PPP2R1B: variants seen among roughly 807,000 people sequenced by gnomAD.
PPP2R1B encodes protein phosphatase 2 scaffold subunit Abeta, also known as serine/threonine-protein phosphatase 2A 65 kDa regulatory subunit A beta isoform.
A neutral mutation model predicts 72.7 loss-of-function variants in PPP2R1B; 58 were observed. The ratio of observed to expected loss-of-function variants is 0.80; its 90% confidence interval spans 0.65 to 0.99. The LOEUF is 0.99. Ranked by LOEUF, PPP2R1B falls within the 50% of genes least tolerant of loss-of-function variation. The probability of loss-of-function intolerance (pLI) is 0.00; values close to 1 mark genes in which losing one functional copy is unlikely to be tolerated. For synonymous variants in PPP2R1B, 256 were observed against 264.6 expected (o/e 0.97, Z 0.32); for missense variants, 695 against 733.6 (o/e 0.95, Z 0.61).
At chr11:111,709,701 A>C in the PPP2R1B span, among the ~76,000 whole-genome samples, 2 of 152,224 alleles carry the variant, frequency 1.3e-5, no homozygotes, top group Admixed American at 6.5e-5. Context: ...CTCTTGTTCC[A>C]AAAAGACTCC....
In PPP2R1B at chr11:111,765,323, G is replaced by A. The variant is rs782573791; in HGVS notation, c.176C>T (p.Thr59Ile). ...TIALALGVERTRSELLPFLTD... is the reference protein window; with the variant it reads ...TIALALGVERIRSELLPFLTD... ...AAGAAATGGCAACAATTCACTTCGG[G>A]TCCTTTCTACTCCAAGTGCTAGGGC... The change falls in exon 2 of 15, where the codon ACC (threonine) becomes ATC (isoleucine). Residue 59 changes from threonine (T) to isoleucine (I), a missense_variant. Physicochemically the swap from Thr to Ile is moderately conservative, Grantham distance 89 (BLOSUM62 -1). Coordinates refer to ENST00000527614, the MANE Select transcript of PPP2R1B (RefSeq NM_002716.5). The A allele has an allele frequency of 5.6e-6, 9 of 1,613,296 alleles. 2 individuals carry two copies. In the South Asian group the frequency reaches 9.9e-5, roughly 18 times the overall value.
Position 111,749,293 on chromosome 11 carries a change from G to C in PPP2R1B, c.1339-1279C>G, listed in dbSNP as rs118093482. Among the ~76,000 whole-genome samples the C allele has an allele frequency of 6.6e-3, 992 of 151,044 alleles. 8 individuals are homozygous for C. The highest frequency in any genetic ancestry group is 0.055 in the Middle Eastern group (16 of 292). On this transcript the variant is annotated intron_variant, in intron 10 of 14. Transcript: ENST00000527614. ...TTTCCAGTTTGTTGTTGTTGTTGTT[G>C]TTGTTGTCGAGACGGAATCTCTCTC...
the PPP2R1B span, among the ~76,000 whole-genome samples, chr11:111,719,499 C>A: frequency 3.2e-4 from 48 of 151,448 alleles, no homozygotes; most frequent in African/African-American, 9.4e-4. Context: ...TTCTGGAAAC[C>A]ACTAAAAAAG....
chr11:111,691,899 C>A, the PPP2R1B span, among the ~76,000 whole-genome samples: 10 of 152,138 alleles, frequency 6.6e-5, no homozygotes, highest in Admixed American at 4.6e-4. Flanking sequence ...AAGAACCAGA[C>A]CTTTAAGTTA....
At chr11:111,689,947 GTTAAT>G in the PPP2R1B span, among the ~76,000 whole-genome samples, 1 of 150,602 alleles carries the variant, frequency 6.6e-6, no homozygotes, top group Non-Finnish European at 1.5e-5. Flanking sequence ...ATGTTTTTAA[GTTAAT>G]TTGTTATATT....
chr11:111,699,758 G>A, the PPP2R1B span, among the ~76,000 whole-genome samples: 13 of 152,126 alleles, frequency 8.5e-5, no homozygotes, highest in Non-Finnish European at 1.8e-4. Flanking sequence ...TAACACATTG[G>A]GCCTTTACAG....
the PPP2R1B span, among the ~76,000 whole-genome samples, chr11:111,719,012 C>T: frequency 6.6e-6 from 1 of 152,168 alleles, no homozygotes; most frequent in Non-Finnish European, 1.5e-5. Flanking sequence ...AGCTGTGCTG[C>T]GCTCACCCCT....
chr11:111,725,220 G>A (rs1308969514), downstream of PPP2R1B: 3 of 152,590 alleles, frequency 2.0e-5, no homozygotes, highest in Non-Finnish European at 4.4e-5. Context: ...GAAACCAACA[G>A]TTTCCATTTA....
At position 111,766,040 on chromosome 11, in the gene PPP2R1B, C is replaced by T; in HGVS notation, c.114+208G>A. The T allele has an allele frequency of 1.2e-5, 7 of 604,724 alleles. No homozygotes were observed. In the South Asian group the frequency reaches 1.3e-4, roughly 11 times the overall value. The allele number at this position is 604,724 out of a possible 1,614,324, so 37.5% of individuals were successfully genotyped here. A position where few individuals can be genotyped will look rare whatever the true frequency, so the allele number is the denominator to read the frequency against. On this transcript the variant is annotated intron_variant, in intron 1 of 14. Coordinates refer to ENST00000527614, the MANE Select transcript of PPP2R1B (RefSeq NM_002716.5). ...CTCCGGGCGGACGCCTCAGGGGGTC[C>T]GAAGCAAGGTTACTAGAGAGGTACC...
downstream of PPP2R1B, chr11:111,723,523 G>A: frequency 6.2e-7 from 1 of 1,609,130 alleles, no homozygotes; most frequent in African/African-American, 1.3e-5. Context: ...TCTTTCTTCA[G>A]AAGCAGTCTC....
the PPP2R1B span, among the ~76,000 whole-genome samples, chr11:111,697,000 GT>G: frequency 6.6e-6 from 1 of 152,250 alleles, no homozygotes; most frequent in African/African-American, 2.4e-5. Flanking sequence ...TTATTTTTAA[GT>G]GTCTTTTGCT....
intron 8 of PPP2R1B, 42 bp downstream of exon 8, chr11:111,754,457 C>A: frequency 6.3e-7 from 1 of 1,575,102 alleles, no homozygotes; most frequent in Non-Finnish European, 8.6e-7. Context: ...TAAGGTTTAC[C>A]TTCATATAAA....
At chr11:111,755,204 T>C in intron 6 of PPP2R1B, 91 bp downstream of exon 6, 2 of 1,537,238 alleles carry the variant, frequency 1.3e-6, no homozygotes, top group Non-Finnish European at 8.8e-7. Context: ...CACTTCCCAT[T>C]GAAAAGAATT....
intron 10 of PPP2R1B, 27 bp downstream of exon 10, chr11:111,752,132 G>A (rs1457659417): frequency 6.3e-7 from 1 of 1,574,902 alleles, no homozygotes; most frequent in Non-Finnish European, 8.6e-7. Context: ...ACACTACCCT[G>A]CAGTTCATGG....
the PPP2R1B span, chr11:111,720,421 T>G: frequency 6.7e-7 from 1 of 1,500,298 alleles, no homozygotes; most frequent in Non-Finnish European, 9.0e-7. Context: ...CTTTGTACCC[T>G]ATGTTCCAAG....
intron 11 of PPP2R1B, 100 bp from the exon 12 acceptor site, chr11:111,743,630 C>A: frequency 7.2e-7 from 1 of 1,379,780 alleles, no homozygotes; most frequent in Non-Finnish European, 9.9e-7. Context: ...AAAAGCAAAA[C>A]CCCTCTGCAA....
At chr11:111,757,892 C>T (rs1238611268) in intron 5 of PPP2R1B, among the ~76,000 whole-genome samples, 3 of 152,060 alleles carry the variant, frequency 2.0e-5, no homozygotes, top group Admixed American at 1.3e-4. Flanking sequence ...TCTCCTACAC[C>T]TGTTCCTCTT....
At chr11:111,716,579 CA>C in the PPP2R1B span, among the ~76,000 whole-genome samples, 1 of 149,962 alleles carries the variant, frequency 6.7e-6, no homozygotes, top group Non-Finnish European at 1.5e-5. Flanking sequence ...TCTGTCTCAC[CA>C]AAAAAAGAAA....
the PPP2R1B span, chr11:111,701,579 A>G: frequency 2.5e-6 from 4 of 1,613,314 alleles, no homozygotes; most frequent in Admixed American, 5.0e-5. The surrounding 1 kb of genome is among the most constrained non-coding windows in gnomAD (Gnocchi z 4.2). Context: ...TCAGAAGGTA[A>G]TCAACTTTTC....
Sources: allele counts gnomAD v4.1 joint callset (sites outside exome capture counted in the v4.1 genomes callset), GRCh38; gene constraint gnomAD v4.1.1; non-coding constraint Gnocchi (gnomAD v3.1); transcripts MANE v1.5; gene names NCBI Gene and HGNC (gene_info 2026-07-23, HGNC 2026-07-21).